TOMM20: variants seen among roughly 807,000 people sequenced by gnomAD.
TOMM20 encodes translocase of outer mitochondrial membrane 20, also known as mitochondrial import receptor subunit TOM20 homolog.
In TOMM20, 10 loss-of-function variants were observed where a neutral mutation model predicts 22.1. The ratio of observed to expected loss-of-function variants is 0.45; its 90% CI spans 0.28 to 0.77. TOMM20 has a LOEUF of 0.77. TOMM20 is among the 30% of genes least tolerant of loss of function. TOMM20 has a pLI of 0.13. For missense variants in TOMM20, 121 were observed against 172.2 expected (o/e 0.70, Z 1.66); for synonymous variants, 55 against 61.4 (o/e 0.90, Z 0.49).
chr1:235,128,483 A>C lies in TOMM20; in HGVS notation c.121+112T>G. ...AGCGCCATCGCCTATTGAGGGCCGC[A>C]CCACGCGGTCGCCCTGCGCGGCCCA... On this transcript the variant is annotated intron_variant, in intron 1 of 4. Coordinates refer to ENST00000366607, the MANE Select transcript of TOMM20 (RefSeq NM_014765.3). 4 of 1,538,572 alleles carry C rather than the reference A, an allele frequency of 2.6e-6. No individual in the cohort carries two copies. The Middle Eastern group carries it at 9.6e-4, about 370-fold the overall frequency.
intron 3 of TOMM20, among the ~76,000 whole-genome samples, chr1:235,114,612 T>C (rs1487024798): frequency 6.6e-6 from 1 of 152,006 alleles, no homozygotes; most frequent in East Asian, 1.9e-4. Flanking sequence ...TAATTTTTTG[T>C]ATTTTTAGTA....
intron 3 of TOMM20, among the ~76,000 whole-genome samples, chr1:235,114,409 A>G (rs1660794560): frequency 6.6e-6 from 1 of 150,842 alleles, no homozygotes; most frequent in East Asian, 1.9e-4. Context: ...TAAAGCCATG[A>G]TTAACTCTGA....
chr1:235,127,962 G>A (rs759984831), intron 1 of TOMM20: 1 of 513,884 alleles, frequency 1.9e-6, no homozygotes, highest in African/African-American at 1.9e-5. Flanking sequence ...GATCATCTGA[G>A]GTCAGGAGTT....
intron 1 of TOMM20, among the ~76,000 whole-genome samples, chr1:235,126,080 T>C (rs912400832): frequency 2.7e-5 from 4 of 148,632 alleles, no homozygotes; most frequent in East Asian, 2.0e-4. Flanking sequence ...GATAGATAGA[T>C]AGATAGATAA....
chr1:235,116,470 CG>C (rs2102808820), intron 3 of TOMM20, among the ~76,000 whole-genome samples: 1 of 151,682 alleles, frequency 6.6e-6, no homozygotes, highest in African/African-American at 2.4e-5. Context: ...ACCTGGAAGA[CG>C]GAAGTTGCAG....
chr1:235,122,185 A>G (rs1660941310), intron 2 of TOMM20, 141 bp downstream of exon 2: 2 of 623,208 alleles, frequency 3.2e-6, no homozygotes, highest in South Asian at 4.2e-5. Flanking sequence ...ACTCCTAAAA[A>G]TAAGCTGTAT....
chr1:235,127,177 A>T (rs1391119904), intron 1 of TOMM20, among the ~76,000 whole-genome samples: 2 of 152,210 alleles, frequency 1.3e-5, no homozygotes, highest in African/African-American at 4.8e-5. Flanking sequence ...ACAGGACAAT[A>T]ACCCGAAGGC....
chr1:235,126,154 A>G (rs1002608645), intron 1 of TOMM20, among the ~76,000 whole-genome samples: 3 of 151,604 alleles, frequency 2.0e-5, no homozygotes, highest in African/African-American at 7.3e-5. Flanking sequence ...TATATTTTGG[A>G]GACAGAGTCT....
rs1021020142 is a variant in TOMM20 at position 235,125,062 on chromosome 1, C to A, written c.122-2690G>T. Among the ~76,000 whole-genome samples, 31 of 152,268 alleles carry A rather than the reference C, an allele frequency of 2.0e-4. 1 individual carries two copies. Among genetic ancestry groups the A allele is most frequent in the African/African-American group, 7.2e-4 (30 of 41,554 alleles). On this transcript the variant is annotated intron_variant, in intron 1 of 4. Transcript: ENST00000366607. Reference sequence around the variant, plus strand: ...CATTGTAATTTGGCAAATTACATTTCATTTACTCATAATTTAGAATGATAA... The same window carrying A: ...CATTGTAATTTGGCAAATTACATTTAATTTACTCATAATTTAGAATGATAA...
At chr1:235,113,175 G>C (rs1660768142) in intron 4 of TOMM20, among the ~76,000 whole-genome samples, 1 of 152,180 alleles carries the variant, frequency 6.6e-6, no homozygotes, top group African/African-American at 2.4e-5. Context: ...AAAATGAAGA[G>C]AAAGCATTTT....
intron 1 of TOMM20, chr1:235,128,044 C>T (rs190926061): frequency 1.1e-3 from 378 of 332,846 alleles, no homozygotes; most frequent in African/African-American, 8.0e-3. Context: ...CGTGGTGACG[C>T]CCGACTGTAA....
chr1:235,127,929 A>G, intron 1 of TOMM20: 1 of 518,802 alleles, frequency 1.9e-6, no homozygotes, highest in South Asian at 1.4e-5. Flanking sequence ...AGAGGGTTTA[A>G]GAATGCAGCA....
chr1:235,115,404 T>C (rs1410454754), intron 3 of TOMM20, among the ~76,000 whole-genome samples: 3 of 151,764 alleles, frequency 2.0e-5, no homozygotes, highest in South Asian at 2.1e-4. Context: ...CCAAGGTGGG[T>C]GGATCACAAG....
rs1660812529 is a variant in TOMM20, at chr1:235,115,407, A to T, written c.251-1497T>A. On this transcript the variant is annotated intron_variant, in intron 3 of 4. Transcript: ENST00000366607. Reference sequence around the variant, plus strand: ...CACTTTGGGAGGCCAAGGTGGGTGGATCACAAGGTCAGGAGTTCAGACCAG... The same window carrying T: ...CACTTTGGGAGGCCAAGGTGGGTGGTTCACAAGGTCAGGAGTTCAGACCAG... Among the ~76,000 whole-genome samples the T allele has an allele frequency of 4.6e-5, 7 of 152,196 alleles. 1 individual carries two copies. In the South Asian group the frequency reaches 1.5e-3, roughly 32 times the overall value.
At chr1:235,116,682 G>A (rs756812318) in intron 3 of TOMM20, among the ~76,000 whole-genome samples, 1 of 152,068 alleles carries the variant, frequency 6.6e-6, no homozygotes, top group Non-Finnish European at 1.5e-5. Context: ...TTGCACTCCA[G>A]CCTGGGCAAC....
Position 235,122,358 on chromosome 1 carries a change from T to C in TOMM20, c.136A>G (p.Lys46Glu). 2 of 1,571,396 alleles carry C rather than the reference T, an allele frequency of 1.3e-6. No individual in the cohort carries two copies. Among genetic ancestry groups the C allele is most frequent in the Non-Finnish European group, 1.7e-6 (2 of 1,161,456 alleles). ...AGCCCAGCTCTCTCCTTGGCAAGCTTCTGTTTCTTTCTTCCTGCAAGAAAT... is the reference window on the plus strand; with the variant it reads ...AGCCCAGCTCTCTCCTTGGCAAGCTCCTGTTTCTTTCTTCCTGCAAGAAAT... ...NRLRERRKKQKLAKERAGLSK... is the reference protein window; with the variant it reads ...NRLRERRKKQELAKERAGLSK... The change falls in exon 2 of 5, where the codon AAG (lysine) becomes GAG (glutamate). Residue 46 changes from lysine to glutamate, a missense_variant. Lys to Glu is a moderately conservative substitution (Grantham distance 56). Coordinates refer to ENST00000366607, the MANE Select transcript of TOMM20 (RefSeq NM_014765.3).
chr1:235,125,021 A>C (rs1416303232), intron 1 of TOMM20, among the ~76,000 whole-genome samples: 2 of 152,176 alleles, frequency 1.3e-5, no homozygotes, highest in Non-Finnish European at 2.9e-5. Flanking sequence ...TATAAGTGAA[A>C]TGCACCTGCA....
chr1:235,114,964 G>A lies in TOMM20; in HGVS notation c.251-1054C>T, dbSNP rs955498123. Among the ~76,000 whole-genome samples, 14 of 151,998 alleles carry A rather than the reference G, an allele frequency of 9.2e-5. No individual in the cohort carries two copies. The East Asian group carries it at 2.5e-3, about 27-fold the overall frequency. On this transcript the variant is annotated intron_variant, in intron 3 of 4. Coordinates refer to ENST00000366607, the MANE Select transcript of TOMM20 (RefSeq NM_014765.3). ...GGCTGACTGCAGCCTCAACCTCCTG[G>A]GCTCAAGCAATCCTCCCACCTCAAC...
chr1:235,112,729 G>C (rs1037395791), intron 4 of TOMM20, among the ~76,000 whole-genome samples: 2 of 152,146 alleles, frequency 1.3e-5, no homozygotes, highest in African/African-American at 4.8e-5. Flanking sequence ...TTGAGTGAAG[G>C]AGGTCATTTT....
Sources: allele counts gnomAD v4.1 joint callset (sites outside exome capture counted in the v4.1 genomes callset), GRCh38; gene constraint gnomAD v4.1.1; transcripts MANE v1.5; gene names NCBI Gene and HGNC (gene_info 2026-07-23, HGNC 2026-07-21).